Variants in SUCLG2 observed in about 807,000 individuals in gnomAD.
SUCLG2 encodes the protein succinate-CoA ligase GDP-forming subunit beta.
SUCLG2 carries 42 observed loss-of-function variants against 47.9 expected under a neutral mutation model. The observed-to-expected ratio is 0.88, with a 90% CI of 0.69 to 1.14. SUCLG2 has a LOEUF of 1.14. Ranked by LOEUF, SUCLG2 falls within the 50% of genes most tolerant of loss-of-function variation. The pLI, the probability that SUCLG2 is intolerant of heterozygous loss-of-function variation, is 0.00. For missense variants in SUCLG2, 571 were observed against 525.9 expected, an observed-to-expected ratio of 1.09 and a Z score of -0.84; for synonymous variants, 195 against 197.3, an observed-to-expected ratio of 0.99 and a Z score of 0.10.
At chr3:67,538,725 C>G (rs1575763534) in intron 2 of SUCLG2, among the ~76,000 whole-genome samples, 1 of 152,166 alleles carries the variant, frequency 6.6e-6, no homozygotes, top group Non-Finnish European at 1.5e-5. Context: ...TGTATCCTCT[C>G]TTATTTCCTT....
At chr3:67,386,750 C>A (rs1022754636) in intron 10 of SUCLG2, among the ~76,000 whole-genome samples, 1 of 152,170 alleles carries the variant, frequency 6.6e-6, no homozygotes, top group Non-Finnish European at 1.5e-5. Context: ...GGGATTATTA[C>A]AATTCAAGAT....
intron 9 of SUCLG2, among the ~76,000 whole-genome samples, chr3:67,440,704 C>T (rs1226497905): frequency 3.9e-5 from 6 of 152,060 alleles, no homozygotes; most frequent in African/African-American, 1.4e-4. Context: ...TTCAGAATGG[C>T]GATCATTAAA....
chr3:67,439,408 A>T (rs767597912), intron 9 of SUCLG2, among the ~76,000 whole-genome samples: 1 of 152,200 alleles, frequency 6.6e-6, no homozygotes, highest in Non-Finnish European at 1.5e-5. Flanking sequence ...CAAGAGAAAT[A>T]AAGGGTATTC....
intron 10 of SUCLG2, among the ~76,000 whole-genome samples, chr3:67,388,518 A>G (rs1489085392): frequency 2.0e-5 from 3 of 152,234 alleles, no homozygotes; most frequent in African/African-American, 7.2e-5. Flanking sequence ...CTATCCCAAC[A>G]TTGTATTGAC....
chr3:67,424,529 G>A (rs565035959), intron 9 of SUCLG2, among the ~76,000 whole-genome samples: 7 of 152,222 alleles, frequency 4.6e-5, no homozygotes, highest in Admixed American at 2.6e-4. Flanking sequence ...AAAATTGCCC[G>A]GGCTCAACAT....
intron 10 of SUCLG2, among the ~76,000 whole-genome samples, chr3:67,379,604 C>G (rs1396470853): frequency 6.6e-6 from 1 of 152,174 alleles, no homozygotes; most frequent in Non-Finnish European, 1.5e-5. Flanking sequence ...CTCTTTTGCA[C>G]CCAACTTAGC....
intron 9 of SUCLG2, among the ~76,000 whole-genome samples, chr3:67,415,695 A>G (rs970590265): frequency 1.3e-5 from 2 of 152,218 alleles, no homozygotes; most frequent in Admixed American, 6.5e-5. Context: ...GATGCAACAC[A>G]TTCCTTAAAC....
intron 7 of SUCLG2, among the ~76,000 whole-genome samples, chr3:67,501,767 G>C (rs1705500098): frequency 6.6e-6 from 1 of 152,078 alleles, no homozygotes; most frequent in African/African-American, 2.4e-5. Context: ...CTTACAGGTT[G>C]CCAAACACAG....
chr3:67,374,958 T>C lies in SUCLG2; in HGVS notation c.*786A>G. On this transcript the variant is annotated 3_prime_UTR_variant, in exon 11 of 11. Coordinates refer to ENST00000307227, the MANE Select transcript of SUCLG2 (RefSeq NM_003848.4). ...ACTAAACACAATTTGATCTTCAGTG[T>C]TGTCTCATCTTGAAATATCTTAATA... 1 of 985,764 alleles carries C rather than the reference T, an allele frequency of 1.0e-6. No homozygotes were observed. Among genetic ancestry groups the C allele is most frequent in the Non-Finnish European group, 1.2e-6 (1 of 829,902 alleles). 61.1% of individuals were successfully genotyped at this position (985,764 alleles called of 1,614,324 possible).
At chr3:67,507,531 A>G (rs936278080) in intron 7 of SUCLG2, among the ~76,000 whole-genome samples, 1 of 128,368 alleles carries the variant, frequency 7.8e-6, no homozygotes, top group Non-Finnish European at 1.5e-5. Flanking sequence ...GAAAAGATTG[A>G]AAAAAAAAAA....
At chr3:67,475,716 CT>C (rs68036052) in intron 9 of SUCLG2, among the ~76,000 whole-genome samples, 37 of 141,056 alleles carry the variant, frequency 2.6e-4, no homozygotes, top group East Asian at 1.8e-3. Flanking sequence ...TTTCCTTCCC[CT>C]CCTTTTTTTT....
chr3:67,556,887 G>C (rs898812062), intron 2 of SUCLG2, among the ~76,000 whole-genome samples: 1 of 152,168 alleles, frequency 6.6e-6, no homozygotes, highest in Non-Finnish European at 1.5e-5. Context: ...AGCAGGAATA[G>C]AAGAATGGAA....
intron 2 of SUCLG2, among the ~76,000 whole-genome samples, chr3:67,605,704 CCATG>C (rs1471551249): frequency 6.6e-6 from 1 of 152,028 alleles, no homozygotes; most frequent in East Asian, 1.9e-4. Context: ...ACACACACAA[CCATG>C]CATCATTCTC....
At chr3:67,444,160 G>GC (rs1370228747) in intron 9 of SUCLG2, among the ~76,000 whole-genome samples, 13 of 60,332 alleles carry the variant, frequency 2.2e-4, no homozygotes, top group African/African-American at 6.7e-4. Flanking sequence ...AGGGAGGTGG[G>GC]GGAGTCAGCC....
intron 9 of SUCLG2, among the ~76,000 whole-genome samples, chr3:67,420,850 G>A (rs1703141842): frequency 1.3e-5 from 2 of 152,194 alleles, no homozygotes; most frequent in South Asian, 4.1e-4. Flanking sequence ...GTGTTCCAAT[G>A]AGAGTTAGTA....
At chr3:67,535,044 T>G (rs1371788633) in intron 2 of SUCLG2, among the ~76,000 whole-genome samples, 2 of 152,116 alleles carry the variant, frequency 1.3e-5, no homozygotes, top group Non-Finnish European at 2.9e-5. Flanking sequence ...TGTGTAACAC[T>G]TGTAATTTCA....
intron 9 of SUCLG2, among the ~76,000 whole-genome samples, chr3:67,430,799 T>C (rs1452255110): frequency 6.6e-6 from 1 of 152,054 alleles, no homozygotes; most frequent in Non-Finnish European, 1.5e-5. Flanking sequence ...AAATAAAAAC[T>C]ACCATCAGAG....
chr3:67,444,578 A>G (rs62256385), intron 9 of SUCLG2, among the ~76,000 whole-genome samples: 4 of 1,328 alleles, frequency 3.0e-3, no homozygotes, highest in African/African-American at 5.1e-3. Context: ...CTGCCCGGCC[A>G]CCCCTACTGG....
chr3:67,646,458 G>A (rs867068978), intron 1 of SUCLG2, among the ~76,000 whole-genome samples: 1 of 152,172 alleles, frequency 6.6e-6, no homozygotes, highest in Middle Eastern at 3.4e-3. Context: ...AGCTAGGTGT[G>A]GTGGTGTACA....
Sources: gnomAD v4.1 joint callset for allele counts (sites outside exome capture counted in the v4.1 genomes callset) on GRCh38, gnomAD v4.1.1 for gene constraint, MANE v1.5 for transcripts, NCBI Gene and HGNC (gene_info 2026-07-23, HGNC 2026-07-21) for gene names.